The following RELN variants were observed in gnomAD, a reference collection of about 807,000 sequenced individuals.
RELN encodes the protein reelin.
A neutral mutation model predicts 427.6 loss-of-function variants in RELN; 108 were observed. The observed-to-expected ratio is 0.25, with a 90% CI of 0.22 to 0.30. RELN has a LOEUF of 0.30. Ranked by LOEUF, RELN falls within the 10% of genes least tolerant of loss-of-function variation. RELN has a pLI of 1.00. For missense variants in RELN, 3,715 were observed against 4,302.8 expected (o/e 0.86, Z 3.82); for synonymous variants, 1,524 against 1,513.4 (o/e 1.01, Z -0.16).
intron 63 of RELN, among the ~76,000 whole-genome samples, chr7:103,481,784 C>G (rs1035639031): frequency 6.6e-6 from 1 of 152,152 alleles, no homozygotes; most frequent in Non-Finnish European, 1.5e-5. Context: ...GCTGGAATAA[C>G]GTAGTCTGAG....
rs757915171 is a variant in RELN at position 103,604,406 on chromosome 7, A to G, written c.3086T>C (p.Ile1029Thr). 5.0e-5 allele frequency: 81 copies of G among 1,613,872 alleles called. No homozygotes were observed. Among genetic ancestry groups the G allele is most frequent in the African/African-American group, 8.0e-5 (6 of 74,934 alleles). The change falls in exon 23 of 65, where the codon ATT (isoleucine) becomes ACT (threonine). Residue 1029 changes from isoleucine (I) to threonine (T), a missense_variant. Around this residue, in one of 4 missense-constraint regions of RELN, gnomAD observed 2,208 missense variants for 2,361.7 expected, o/e 0.93. Transcript: ENST00000428762. Reference protein sequence around the residue: ...QDEWALDSIYIGQQCPNMCSG... With the variant: ...QDEWALDSIYTGQQCPNMCSG... ...GCACATGTTGGGGCACTGCTGCCCA[A>G]TGTAAATGCTGTCCAAAGCCCACTC... is the stretch of plus-strand genomic sequence containing the variant.
intron 60 of RELN, 127 bp downstream of exon 60, chr7:103,489,615 G>C (rs1208421931): frequency 9.6e-7 from 1 of 1,044,598 alleles, no homozygotes; most frequent in African/African-American, 1.6e-5. Context: ...ACCAAGGAGT[G>C]TGTCATGAAT....
At chr7:103,699,080 A>G (rs564970074) in intron 9 of RELN, among the ~76,000 whole-genome samples, 1 of 152,296 alleles carries the variant, frequency 6.6e-6, no homozygotes, top group East Asian at 1.9e-4. Context: ...TCCTTCTGCT[A>G]TATAATAAAA....
intron 3 of RELN, among the ~76,000 whole-genome samples, chr7:103,833,331 T>C (rs1307836192): frequency 6.6e-6 from 1 of 152,200 alleles, no homozygotes; most frequent in African/African-American, 2.4e-5. Flanking sequence ...ATTTAGACCT[T>C]TGGAGGTACA....
chr7:103,587,871 AAAAC>A (rs745347200), intron 28 of RELN, among the ~76,000 whole-genome samples: 20 of 152,152 alleles, frequency 1.3e-4, no homozygotes, highest in African/African-American at 1.9e-4. Flanking sequence ...CAAAAGACAA[AAAAC>A]AAACAAACAA....
At chr7:103,793,276 A>G (rs913222310) in intron 3 of RELN, among the ~76,000 whole-genome samples, 1 of 152,232 alleles carries the variant, frequency 6.6e-6, no homozygotes, top group African/African-American at 2.4e-5. Context: ...TAGCATATGT[A>G]TAGCAAAGCC....
At chr7:103,617,959 T>C (rs1832122661) in intron 20 of RELN, among the ~76,000 whole-genome samples, 1 of 152,158 alleles carries the variant, frequency 6.6e-6, no homozygotes, top group African/African-American at 2.4e-5. Flanking sequence ...CTGTACCCAC[T>C]GGCTCCCCTT....
At chr7:103,612,636 G>GT (rs1831987585) in intron 20 of RELN, among the ~76,000 whole-genome samples, 1 of 152,182 alleles carries the variant, frequency 6.6e-6, no homozygotes, top group Non-Finnish European at 1.5e-5. Flanking sequence ...AATGTTTGCA[G>GT]TAGCTGTGTT....
At position 103,930,263 on chromosome 7, in the gene RELN, A is replaced by G. The variant is rs539951498; in HGVS notation, c.227-13078T>C. ...CATCTATCTGCACATGTCTGTATCC[A>G]CATTTCTTCTTCTTATAATGACATC... On this transcript the variant is annotated intron_variant, in intron 1 of 64. Transcript: ENST00000428762. 6.6e-5 allele frequency among the ~76,000 whole-genome samples: 10 copies of G among 152,268 alleles called. No homozygotes were observed. In the South Asian group the frequency reaches 2.1e-3, roughly 32 times the overall value.
chr7:103,594,945 C>T (rs1011838372), intron 25 of RELN, among the ~76,000 whole-genome samples: 1 of 152,066 alleles, frequency 6.6e-6, no homozygotes, highest in Non-Finnish European at 1.5e-5. Flanking sequence ...ATAGCGTTGG[C>T]TTCTGTTAAC....
chr7:103,982,224 C>T (rs1367471425), intron 1 of RELN, among the ~76,000 whole-genome samples: 1 of 152,062 alleles, frequency 6.6e-6, no homozygotes, highest in African/African-American at 2.4e-5. Flanking sequence ...CACTTCATAT[C>T]GCTGAATTAT....
intron 10 of RELN, among the ~76,000 whole-genome samples, chr7:103,696,385 C>A (rs1465192342): frequency 6.6e-6 from 1 of 152,082 alleles, no homozygotes; most frequent in African/African-American, 2.4e-5. Flanking sequence ...AAATTTGGAT[C>A]TTTCTCTGAG....
Position 103,741,781 on chromosome 7 carries a change from C to T in RELN, c.656+7645G>A, listed in dbSNP as rs145563918. ...ACCTCTTCACACTGCAACTGTAATA[C>T]AATGCTGCAAGAAGATATTTGAGGG... On this transcript the variant is annotated intron_variant, in intron 6 of 64. Transcript: ENST00000428762. Among the ~76,000 whole-genome samples the T allele has an allele frequency of 1.6e-4, 23 of 143,186 alleles. No homozygotes were observed. In the East Asian group the frequency reaches 4.5e-3, roughly 28 times the overall value. The allele number at this position is 143,186 out of a possible 152,430, so 93.9% of individuals were successfully genotyped here. A position where few individuals can be genotyped will look rare whatever the true frequency, so the allele number is the denominator to read the frequency against.
At position 103,770,300 on chromosome 7, in the gene RELN, C is replaced by A. The variant is rs148355848; in HGVS notation, c.544+6257G>T. Among the ~76,000 whole-genome samples the A allele has an allele frequency of 1.4e-3, 213 of 152,198 alleles. 1 individual carries two copies. Among genetic ancestry groups the A allele is most frequent in the African/African-American group, 4.9e-3 (204 of 41,546 alleles). On this transcript the variant is annotated intron_variant, in intron 4 of 64. Transcript: ENST00000428762. ...GGGGTTTCACTGTATTAGCCAAGAT[C>A]GTCTCAATCTCCTGACTTCGTGATC...
At chr7:103,833,510 C>T (rs372569832) in intron 3 of RELN, 27 bp downstream of exon 3, 21 of 1,606,516 alleles carry the variant, frequency 1.3e-5, no homozygotes, top group South Asian at 4.4e-5. Context: ...GCCTTCTGTA[C>T]GTATGGCAGA....
At chr7:103,779,119 C>T (rs142504870) in intron 3 of RELN, among the ~76,000 whole-genome samples, 1 of 152,300 alleles carries the variant, frequency 6.6e-6, no homozygotes, top group African/African-American at 2.4e-5. Context: ...CTTTCCCTTG[C>T]ATCAGCAGTT....
intron 3 of RELN, among the ~76,000 whole-genome samples, chr7:103,788,068 A>G (rs1271193706): frequency 1.3e-5 from 2 of 152,158 alleles, no homozygotes; most frequent in African/African-American, 4.8e-5. Flanking sequence ...ACATAAACAG[A>G]ACGAACCAAT....
At chr7:103,790,649 GT>G (rs1792138796) in intron 3 of RELN, among the ~76,000 whole-genome samples, 1 of 152,074 alleles carries the variant, frequency 6.6e-6, no homozygotes, top group Non-Finnish European at 1.5e-5. Context: ...TAGTGCCCTG[GT>G]CATAGGATTG....
chr7:103,491,534 T>C (rs1433538299), intron 58 of RELN, among the ~76,000 whole-genome samples: 4 of 152,162 alleles, frequency 2.6e-5, no homozygotes, highest in Admixed American at 2.0e-4. Context: ...ACTTTTAAGA[T>C]ATAGGGTTAT....
Sources: gnomAD v4.1 joint callset for allele counts (sites outside exome capture counted in the v4.1 genomes callset) on GRCh38, gnomAD v4.1.1 for gene constraint, gnomAD v4.1.1 regional missense constraint, MANE v1.5 for transcripts, NCBI Gene and HGNC (gene_info 2026-07-23, HGNC 2026-07-21) for gene names.